DIP2B: variants seen among roughly 807,000 people sequenced by gnomAD.
The protein encoded by DIP2B is disco-interacting protein 2 homolog B.
Under a neutral mutation model 198.0 loss-of-function variants are expected in DIP2B, and 76 were observed. The ratio of observed to expected loss-of-function variants is 0.38; its 90% CI spans 0.32 to 0.46. DIP2B has a LOEUF of 0.46. Among genes scored for constraint, DIP2B ranks in the 20% least tolerant of loss-of-function variants. DIP2B has a pLI of 0.99. For synonymous variants in DIP2B, 701 were observed against 739.1 expected, an observed-to-expected ratio of 0.95 and a Z score of 0.84; for missense variants, 1,559 against 1,978.4, an observed-to-expected ratio of 0.79 and a Z score of 4.02.
At chr12:50,532,444 G>C (rs995118503) in intron 1 of DIP2B, among the ~76,000 whole-genome samples, 1 of 152,160 alleles carries the variant, frequency 6.6e-6, no homozygotes, top group Non-Finnish European at 1.5e-5. Flanking sequence ...GAATCTGGGA[G>C]GTGAAGGCTG....
chr12:50,568,480 G>A (rs1239114599), intron 1 of DIP2B, among the ~76,000 whole-genome samples: 1 of 152,214 alleles, frequency 6.6e-6, no homozygotes, highest in Admixed American at 6.5e-5. Flanking sequence ...AGCCCTCTGA[G>A]CAGTATACGG....
chr12:50,636,073 G>T (rs1378768289), intron 2 of DIP2B, among the ~76,000 whole-genome samples: 4 of 152,178 alleles, frequency 2.6e-5, no homozygotes, highest in Non-Finnish European at 5.9e-5. Context: ...CACAAATGAG[G>T]ATCATAAAAG....
intron 1 of DIP2B, among the ~76,000 whole-genome samples, chr12:50,564,819 T>C (rs1958549390): frequency 6.6e-6 from 1 of 152,206 alleles, no homozygotes; most frequent in Non-Finnish European, 1.5e-5. Flanking sequence ...CCATAATCTT[T>C]TACTTTATGG....
chr12:50,605,786 TTC>T (rs1958975791), intron 1 of DIP2B, among the ~76,000 whole-genome samples: 1 of 152,156 alleles, frequency 6.6e-6, no homozygotes, highest in Admixed American at 6.6e-5. Context: ...TCATTCATTT[TTC>T]TCTTAATTTA....
At chr12:50,669,906 A>G (rs1469403560) in intron 4 of DIP2B, among the ~76,000 whole-genome samples, 1 of 152,190 alleles carries the variant, frequency 6.6e-6, no homozygotes, top group East Asian at 1.9e-4. Flanking sequence ...AGTTAGACGG[A>G]AAGGGTTCTG....
chr12:50,725,159 G>A (rs930085405), intron 28 of DIP2B, among the ~76,000 whole-genome samples: 2 of 152,142 alleles, frequency 1.3e-5, no homozygotes, highest in Non-Finnish European at 2.9e-5. Context: ...TATGCTACAT[G>A]TGACTATGTA....
chr12:50,691,661 C>T (rs1483508157), intron 13 of DIP2B, among the ~76,000 whole-genome samples: 1 of 152,048 alleles, frequency 6.6e-6, no homozygotes, highest in African/African-American at 2.4e-5. Context: ...AATAAATGGT[C>T]ATGATAAAAT....
At chr12:50,604,979 A>C (rs1299626507) in intron 1 of DIP2B, among the ~76,000 whole-genome samples, 1 of 152,334 alleles carries the variant, frequency 6.6e-6, no homozygotes, top group Admixed American at 6.5e-5. Flanking sequence ...TAAGATACTC[A>C]TTTTATGTAA....
At chr12:50,626,172 A>C in intron 2 of DIP2B, 125 bp downstream of exon 2, 1 of 946,024 alleles carries the variant, frequency 1.1e-6, no homozygotes, top group Non-Finnish European at 1.6e-6. Flanking sequence ...GAGAGAAAAA[A>C]ACGGAAGGAA....
chr12:50,570,814 T>G (rs1958606325), intron 1 of DIP2B, among the ~76,000 whole-genome samples: 2 of 152,268 alleles, frequency 1.3e-5, no homozygotes, highest in Admixed American at 6.5e-5. Flanking sequence ...TTCAGGTTAC[T>G]TGAAGCCTTC....
chr12:50,698,579 G>A (rs138044361), intron 18 of DIP2B, 112 bp downstream of exon 18: 18 of 1,305,756 alleles, frequency 1.4e-5, no homozygotes, highest in African/African-American at 1.2e-4. Flanking sequence ...AGTACTTAAC[G>A]CATTTAATTT....
chr12:50,740,782 A>G (rs1355005009), intron 36 of DIP2B, among the ~76,000 whole-genome samples: 1 of 152,032 alleles, frequency 6.6e-6, no homozygotes, highest in Non-Finnish European at 1.5e-5. Flanking sequence ...TCCTTCTTAT[A>G]TGTGTATTCC....
chr12:50,594,803 T>G (rs1268437529), intron 1 of DIP2B, among the ~76,000 whole-genome samples: 1 of 152,224 alleles, frequency 6.6e-6, no homozygotes, highest in Non-Finnish European at 1.5e-5. Context: ...AAATGTGCGT[T>G]GCTAGTCTGT....
At chr12:50,541,184 T>C (rs1014198109) in intron 1 of DIP2B, among the ~76,000 whole-genome samples, 20 of 152,178 alleles carry the variant, frequency 1.3e-4, no homozygotes, top group Admixed American at 7.2e-4. Flanking sequence ...GCTTAATGAT[T>C]TTGTAGAATC....
At chr12:50,597,909 T>A (rs1958892094) in intron 1 of DIP2B, among the ~76,000 whole-genome samples, 1 of 152,230 alleles carries the variant, frequency 6.6e-6, no homozygotes, top group African/African-American at 2.4e-5. Context: ...TTGGCTGAGC[T>A]GTTTTCAGTC....
intron 1 of DIP2B, among the ~76,000 whole-genome samples, chr12:50,518,437 T>C (rs1164567159): frequency 1.3e-5 from 2 of 152,158 alleles, no homozygotes; most frequent in African/African-American, 4.8e-5. Context: ...TTGGCCAGGC[T>C]GACCTCAAGT....
chr12:50,720,406 C>T (rs1320115259), intron 25 of DIP2B, among the ~76,000 whole-genome samples: 1 of 151,468 alleles, frequency 6.6e-6, no homozygotes, highest in Non-Finnish European at 1.5e-5. Flanking sequence ...TACCCATCTC[C>T]TCCATCCCCC....
At chr12:50,720,579 G>A (rs1055684688) in intron 25 of DIP2B, among the ~76,000 whole-genome samples, 1 of 152,142 alleles carries the variant, frequency 6.6e-6, no homozygotes, top group Admixed American at 6.5e-5. Context: ...CATGAAGTGA[G>A]CTTCTTTTCA....
intron 1 of DIP2B, among the ~76,000 whole-genome samples, chr12:50,559,961 C>T (rs544116692): frequency 3.9e-5 from 6 of 152,030 alleles, no homozygotes; most frequent in Non-Finnish European, 8.8e-5. Context: ...GTTTCCTACC[C>T]TCATAGGGTT....
Sources: gnomAD v4.1 joint callset for allele counts (sites outside exome capture counted in the v4.1 genomes callset) on GRCh38, gnomAD v4.1.1 for gene constraint, MANE v1.5 for transcripts, NCBI Gene and HGNC (gene_info 2026-07-23, HGNC 2026-07-21) for gene names.